Variants in LMBRD1 observed in about 807,000 individuals in gnomAD.
LMBRD1 encodes LMBR1 domain containing 1, also known as lysosomal cobalamin transport escort protein LMBD1.
A neutral mutation model predicts 74.8 loss-of-function variants in LMBRD1; 64 were observed. The ratio of observed to expected loss-of-function variants is 0.86; its 90% CI spans 0.70 to 1.05. LMBRD1 has a LOEUF of 1.05. LMBRD1 is among the 50% of genes least tolerant of loss of function. LMBRD1 has a pLI of 0.00. For missense variants in LMBRD1, 652 were observed against 645.9 expected, an observed-to-expected ratio of 1.01 and a Z score of -0.10; for synonymous variants, 204 against 216.3, an observed-to-expected ratio of 0.94 and a Z score of 0.50.
chr6:69,716,546 G>GA (rs889696149), intron 8 of LMBRD1, among the ~76,000 whole-genome samples: 1 of 151,878 alleles, frequency 6.6e-6, no homozygotes, highest in South Asian at 2.1e-4. Flanking sequence ...TATTAAATGA[G>GA]AAAAAAAGGC....
rs1252688665 is a variant in LMBRD1 at position 69,741,814 on chromosome 6, G to A, written c.537C>T (p.Ser179=). 2 of 1,601,088 alleles carry A rather than the reference G, an allele frequency of 1.2e-6. No individual in the cohort carries two copies. The highest frequency in any genetic ancestry group is 1.7e-6 in the Non-Finnish European group (2 of 1,168,558). ...GACTACTTCCAAGTTCTTCAAATAG[G>A]GACTTCACTTTTTCCCACTCTGTAG... ...KNSTEWEKVK[S]LFEELGSSHG... is the part of the protein sequence containing the mutation. The change falls in exon 6 of 16, where the codon TCC becomes TCT. Residue 179 remains serine, a synonymous_variant. Coordinates refer to ENST00000649934, the MANE Select transcript of LMBRD1 (RefSeq NM_018368.4).
At chr6:69,704,080 T>C (rs533871985) in intron 9 of LMBRD1, among the ~76,000 whole-genome samples, 2 of 152,180 alleles carry the variant, frequency 1.3e-5, no homozygotes, top group South Asian at 4.1e-4. Context: ...GGCACAGTCA[T>C]GTCTATTTGC....
Position 69,674,526 on chromosome 6 carries a change from A to G in LMBRD1, c.*1632T>C, listed in dbSNP as rs1255338450. Among the ~76,000 whole-genome samples the G allele has an allele frequency of 6.6e-6, 1 of 152,250 alleles. No individual in the cohort carries two copies. Among genetic ancestry groups the G allele is most frequent in the East Asian group, 1.9e-4 (1 of 5,204 alleles). ...TTTGTCAAAAAAATGAATGCAGAAG[A>G]AGGCTTAGTTTGCCCCCACAAAAGT... On this transcript the variant is annotated 3_prime_UTR_variant, in exon 16 of 16. Coordinates refer to ENST00000649934, the MANE Select transcript of LMBRD1 (RefSeq NM_018368.4).
rs1472320108 is a variant in LMBRD1 at position 69,674,705 on chromosome 6, T to G, written c.*1453A>C. Among the ~76,000 whole-genome samples, 2 of 152,190 alleles carry G rather than the reference T, an allele frequency of 1.3e-5. No individual in the cohort carries two copies. The highest frequency in any genetic ancestry group is 4.8e-5 in the African/African-American group (2 of 41,452). On this transcript the variant is annotated 3_prime_UTR_variant, in exon 16 of 16. Transcript: ENST00000649934. Reference sequence around the variant, plus strand: ...AAATGTAATATAAGGCCGAGCGTGGTGGCTTATGCCTGTAATCCCAGCACT... The same window carrying G: ...AAATGTAATATAAGGCCGAGCGTGGGGGCTTATGCCTGTAATCCCAGCACT...
intron 1 of LMBRD1, among the ~76,000 whole-genome samples, chr6:69,796,525 C>T (rs1234019168): frequency 1.3e-5 from 2 of 152,192 alleles, no homozygotes; most frequent in Non-Finnish European, 2.9e-5. Flanking sequence ...GCCCCCAAAC[C>T]CCACCGGCCC....
At chr6:69,762,709 G>C (rs570025693) in intron 3 of LMBRD1, among the ~76,000 whole-genome samples, 3 of 152,104 alleles carry the variant, frequency 2.0e-5, no homozygotes, top group Non-Finnish European at 2.9e-5. Context: ...ATTAAATGAA[G>C]CCACAAGGTA....
At chr6:69,687,956 T>C (rs190861244) in intron 14 of LMBRD1, among the ~76,000 whole-genome samples, 2 of 152,252 alleles carry the variant, frequency 1.3e-5, no homozygotes, top group African/African-American at 2.4e-5. Context: ...TTCAGAAATC[T>C]AAAGCTTAAT....
intron 3 of LMBRD1, among the ~76,000 whole-genome samples, chr6:69,779,468 A>G (rs1480553709): frequency 6.6e-6 from 1 of 152,102 alleles, no homozygotes; most frequent in Non-Finnish European, 1.5e-5. Flanking sequence ...TGAGGGAGGG[A>G]AGGAGGAGGA....
chr6:69,760,359 T>A (rs1765349513), intron 3 of LMBRD1, among the ~76,000 whole-genome samples: 1 of 152,052 alleles, frequency 6.6e-6, no homozygotes, highest in Non-Finnish European at 1.5e-5. Flanking sequence ...AATGTAAAAC[T>A]AAGTAAGAAT....
chr6:69,742,203 A>G (rs984322734), intron 5 of LMBRD1, among the ~76,000 whole-genome samples: 2 of 152,150 alleles, frequency 1.3e-5, no homozygotes, highest in Non-Finnish European at 2.9e-5. Flanking sequence ...AAACGATCAA[A>G]ACAATCCACA....
intron 3 of LMBRD1, among the ~76,000 whole-genome samples, chr6:69,773,477 TC>T (rs1368065265): frequency 1.3e-5 from 2 of 152,106 alleles, no homozygotes; most frequent in African/African-American, 4.8e-5. Context: ...CAGCACCTAA[TC>T]AATAGGGAAT....
intron 8 of LMBRD1, among the ~76,000 whole-genome samples, chr6:69,715,437 A>T (rs1218183038): frequency 6.6e-6 from 1 of 152,180 alleles, no homozygotes; most frequent in African/African-American, 2.4e-5. Flanking sequence ...GAATATAAGA[A>T]TAATTTTGAT....
At chr6:69,738,347 G>A (rs1767019863) in intron 6 of LMBRD1, among the ~76,000 whole-genome samples, 1 of 152,134 alleles carries the variant, frequency 6.6e-6, no homozygotes, top group Non-Finnish European at 1.5e-5. Flanking sequence ...AAGATCACAT[G>A]GCCTTTCTCA....
At chr6:69,736,847 GACT>G (rs1395563125) in intron 7 of LMBRD1, among the ~76,000 whole-genome samples, 3 of 152,114 alleles carry the variant, frequency 2.0e-5, no homozygotes, top group African/African-American at 7.2e-5. Flanking sequence ...ATTAACTTGT[GACT>G]ACTTCTTAAA....
At chr6:69,769,949 T>C (rs895543388) in intron 3 of LMBRD1, among the ~76,000 whole-genome samples, 1 of 151,366 alleles carries the variant, frequency 6.6e-6, no homozygotes, top group Non-Finnish European at 1.5e-5. Context: ...GGTAGGAGAG[T>C]GTATTAAAAG....
chr6:69,729,687 A>T (rs1467263645), intron 7 of LMBRD1, among the ~76,000 whole-genome samples: 1 of 152,060 alleles, frequency 6.6e-6, no homozygotes, highest in African/African-American at 2.4e-5. Context: ...TATAAAATAA[A>T]AAAGTTTCTG....
At chr6:69,686,370 G>T (rs962275170) in intron 14 of LMBRD1, among the ~76,000 whole-genome samples, 3 of 152,006 alleles carry the variant, frequency 2.0e-5, no homozygotes, top group Admixed American at 6.6e-5. Context: ...CATCCATAAT[G>T]TTCAATAACC....
chr6:69,700,744 A>G, intron 12 of LMBRD1, 21 bp downstream of exon 12: 1 of 1,405,438 alleles, frequency 7.1e-7, no homozygotes, highest in Non-Finnish European at 9.6e-7. Context: ...AGAAAAAAAT[A>G]ATACTGTAAT....
chr6:69,790,587 T>C, intron 1 of LMBRD1, 115 bp from the exon 2 acceptor site: 1 of 1,050,436 alleles, frequency 9.5e-7, no homozygotes, highest in East Asian at 2.5e-5. Flanking sequence ...TTATTTTAGT[T>C]GTGTAAGGAA....
Sources: gnomAD v4.1 joint callset for allele counts (sites outside exome capture counted in the v4.1 genomes callset) on GRCh38, gnomAD v4.1.1 for gene constraint, MANE v1.5 for transcripts, NCBI Gene and HGNC (gene_info 2026-07-23, HGNC 2026-07-21) for gene names.